Variants in SVIL observed in about 807,000 individuals in gnomAD.
SVIL encodes supervillin.
SVIL carries 101 observed loss-of-function variants against 240.4 expected under a neutral mutation model. The ratio of observed to expected loss-of-function variants is 0.42; its 90% CI spans 0.36 to 0.50. The LOEUF (loss-of-function observed/expected upper bound fraction) is 0.50. Ranked by LOEUF, SVIL falls within the 20% of genes least tolerant of loss-of-function variation. The pLI is 0.01. For missense variants in SVIL, 2,512 were observed against 2,818.7 expected (o/e 0.89, Z 2.46); for synonymous variants, 999 against 1,100.0 (o/e 0.91, Z 1.82).
chr10:29,694,251 AT>A (rs1270074235), intron 1 of SVIL, among the ~76,000 whole-genome samples: 9 of 150,570 alleles, frequency 6.0e-5, no homozygotes, highest in Admixed American at 1.3e-4. Flanking sequence ...AAAAAAAAAA[AT>A]CTTTTCTTAA....
chr10:29,709,978 G>A (rs1418345831), intron 1 of SVIL, among the ~76,000 whole-genome samples: 5 of 152,242 alleles, frequency 3.3e-5, no homozygotes, highest in South Asian at 2.1e-4. Flanking sequence ...GGGGGTGCGC[G>A]AGAGGCAGCC....
chr10:29,512,899 C>T lies in SVIL; in HGVS notation c.3390-38G>A, dbSNP rs764690279. The T allele has an allele frequency of 1.0e-5, 16 of 1,598,080 alleles. No homozygotes were observed. In the African/African-American group the frequency reaches 2.0e-4, roughly 20 times the overall value. On this transcript the variant is annotated intron_variant, in intron 16 of 37. Transcript: ENST00000355867. ...CATGCCCGCCACAAAGAGTTCAGCACCAAACTCTTCCTTGTGATGGAACCA... is the reference window on the plus strand; with the variant it reads ...CATGCCCGCCACAAAGAGTTCAGCATCAAACTCTTCCTTGTGATGGAACCA...
intron 1 of SVIL, among the ~76,000 whole-genome samples, chr10:29,586,915 G>A (rs1208712626): frequency 6.6e-6 from 1 of 152,114 alleles, no homozygotes; most frequent in African/African-American, 2.4e-5. Flanking sequence ...GGAGGAGGGA[G>A]AAGATTATGA....
chr10:29,701,924 A>G (rs1462162742), intron 1 of SVIL, among the ~76,000 whole-genome samples: 2 of 152,210 alleles, frequency 1.3e-5, no homozygotes, highest in Non-Finnish European at 2.9e-5. Flanking sequence ...CTGTAATCCC[A>G]GCACTTTGGG....
chr10:29,733,268 T>C (rs1458956387), intron 1 of SVIL, among the ~76,000 whole-genome samples: 5 of 152,236 alleles, frequency 3.3e-5, no homozygotes, highest in African/African-American at 9.6e-5. Context: ...TCATGAATTA[T>C]CTAATTTAGT....
intron 2 of SVIL, among the ~76,000 whole-genome samples, chr10:29,682,439 G>A (rs1466354069): frequency 6.6e-6 from 1 of 152,182 alleles, no homozygotes; most frequent in Non-Finnish European, 1.5e-5. Flanking sequence ...TCCAGACACT[G>A]CTCTAGGTTC....
At chr10:29,729,367 T>C (rs534542625) in intron 1 of SVIL, among the ~76,000 whole-genome samples, 129 of 151,894 alleles carry the variant, frequency 8.5e-4, no homozygotes, top group African/African-American at 2.9e-3. Flanking sequence ...GGTATAAAGG[T>C]GAAGTCATCT....
rs368878557 is a variant in SVIL, at chr10:29,473,884, G to A, written c.5483C>T (p.Thr1828Met). The A allele has an allele frequency of 2.4e-5, 39 of 1,613,840 alleles. No homozygotes were observed. In the South Asian group the frequency reaches 2.6e-4, roughly 11 times the overall value. The stretch of plus-strand genomic sequence containing the variant: ...CAGCTCCACCGTCATCAGCGCCGAC[G>A]TGCCCTTCTCACTCACGGTGGAGTG... ...GRHSTVSEKG[T>M]SALMTVELDE... The change falls in exon 30 of 38, where the codon ACG (threonine) becomes ATG (methionine). Residue 1828 changes from threonine (T) to methionine (M), a missense_variant. By Grantham distance (81) the Thr-to-Met change is moderately conservative. This residue lies in a region of SVIL where 797 missense variants were observed against 925.3 expected (regional missense o/e 0.86). Transcript: ENST00000355867.
At chr10:29,675,297 T>G (rs1167009793) in intron 2 of SVIL, among the ~76,000 whole-genome samples, 1 of 152,124 alleles carries the variant, frequency 6.6e-6, no homozygotes, top group Non-Finnish European at 1.5e-5. Context: ...GTTAGGAGTT[T>G]GAGATCAGCT....
At chr10:29,493,427 T>A (rs761880347) in intron 20 of SVIL, 36 bp from the exon 21 acceptor site, 1 of 1,609,098 alleles carries the variant, frequency 6.2e-7, no homozygotes, top group South Asian at 1.1e-5. Flanking sequence ...AAGAGTTTTA[T>A]AAAAACAAGG....
chr10:29,682,281 T>C (rs1208196323), intron 2 of SVIL, among the ~76,000 whole-genome samples: 1 of 152,104 alleles, frequency 6.6e-6, no homozygotes, highest in African/African-American at 2.4e-5. Context: ...CACAGTCCCA[T>C]AGCCAGAGGA....
chr10:29,465,466 ATGTTCTGGG>A, intron 34 of SVIL, 120 bp downstream of exon 34: 1 of 1,166,044 alleles, frequency 8.6e-7, no homozygotes, highest in Non-Finnish European at 1.2e-6. Context: ...GTGTAAGCAC[ATGTTCTGGG>A]TGCTCTGGGA....
chr10:29,733,496 G>C (rs1048865439), intron 1 of SVIL, among the ~76,000 whole-genome samples: 3 of 152,062 alleles, frequency 2.0e-5, no homozygotes, highest in Non-Finnish European at 2.9e-5. Context: ...GTAGAAACAG[G>C]GTCTCACTAT....
chr10:29,518,011 C>T (rs375116345), intron 16 of SVIL, among the ~76,000 whole-genome samples: 171 of 152,180 alleles, frequency 1.1e-3, no homozygotes, highest in African/African-American at 3.8e-3. Context: ...TTTACTAATC[C>T]GGTGGGAAAA....
chr10:29,465,206 C>A (rs1944758202), intron 34 of SVIL, among the ~76,000 whole-genome samples: 1 of 152,174 alleles, frequency 6.6e-6, no homozygotes. Context: ...CTTCCCCTTT[C>A]TTTCTCTTTC....
intron 1 of SVIL, among the ~76,000 whole-genome samples, chr10:29,611,505 A>C (rs73596065): frequency 0.027 from 4,042 of 152,056 alleles, 165 homozygotes; most frequent in African/African-American, 0.09. Flanking sequence ...TCACTATGAC[A>C]TATGATGGTT....
Position 29,501,170 on chromosome 10 carries a change from G to A in SVIL, c.3517-1907C>T, listed in dbSNP as rs545130890. Reference sequence around the variant, plus strand: ...TCCTAAAGAGATATGACAACCAAACGCGATGCATGATCCTGGCTTGAATCC... The same window carrying A: ...TCCTAAAGAGATATGACAACCAAACACGATGCATGATCCTGGCTTGAATCC... On this transcript the variant is annotated intron_variant, in intron 17 of 37. Transcript: ENST00000355867. Among the ~76,000 whole-genome samples the A allele has an allele frequency of 2.1e-4, 31 of 145,980 alleles. 1 individual carries two copies. Among genetic ancestry groups the A allele is most frequent in the Admixed American group, 2.0e-3 (29 of 14,366 alleles).
chr10:29,497,410 C>T (rs1248375311), intron 18 of SVIL, among the ~76,000 whole-genome samples: 4 of 152,126 alleles, frequency 2.6e-5, no homozygotes, highest in East Asian at 1.9e-4. Context: ...AAAGGGAACC[C>T]AAATTTTAAT....
At position 29,617,578 on chromosome 10, in the gene SVIL, T is replaced by TA. The variant is rs11345735; in HGVS notation, c.-201+16841dup. On this transcript the variant is annotated intron_variant, in intron 1 of 37. Coordinates refer to ENST00000355867, the MANE Select transcript of SVIL (RefSeq NM_021738.3). ...CCTGGGCGAAAAAGGAAAACTAATCTAAAAAAAAAAAAAGAAAGAAAGAAA... is the reference window on the plus strand; with the variant it reads ...CCTGGGCGAAAAAGGAAAACTAATCTAAAAAAAAAAAAAAGAAAGAAAGAAA... Among the ~76,000 whole-genome samples the TA allele has an allele frequency of 4.1e-3, 567 of 139,672 alleles. 2 individuals carry two copies. Among genetic ancestry groups the TA allele is most frequent in the African/African-American group, 0.015 (532 of 36,264 alleles). The allele number at this position is 139,672 out of a possible 152,430, so 91.6% of individuals were successfully genotyped here.
Sources: allele counts gnomAD v4.1 joint callset (sites outside exome capture counted in the v4.1 genomes callset), GRCh38; gene constraint gnomAD v4.1.1; regional missense constraint gnomAD v4.1.1; transcripts MANE v1.5; gene names NCBI Gene and HGNC (gene_info 2026-07-23, HGNC 2026-07-21).